Variants in GNAQ observed in about 807,000 individuals in gnomAD.
The protein encoded by GNAQ is G protein subunit alpha q.
A neutral mutation model predicts 43.9 loss-of-function variants in GNAQ; 8 were observed. The observed-to-expected ratio is 0.18, with a 90% CI of 0.11 to 0.33. The LOEUF (loss-of-function observed/expected upper bound fraction) is 0.33. Among genes scored for constraint, GNAQ ranks in the 10% least tolerant of loss-of-function variants. GNAQ has a pLI of 1.00. For missense variants in GNAQ, 158 were observed against 450.8 expected, an observed-to-expected ratio of 0.35 and a Z score of 5.88; for synonymous variants, 155 against 170.7, an observed-to-expected ratio of 0.91 and a Z score of 0.71.
intron 3 of GNAQ, among the ~76,000 whole-genome samples, chr9:77,804,701 T>C (rs1384791603): frequency 6.6e-6 from 1 of 152,060 alleles, no homozygotes; most frequent in African/African-American, 2.4e-5. Context: ...GGGGTGTGTG[T>C]TGGAGGTTGG....
chr9:77,762,023 G>A (rs556067338), intron 5 of GNAQ, among the ~76,000 whole-genome samples: 2 of 138,542 alleles, frequency 1.4e-5, no homozygotes, highest in African/African-American at 5.4e-5. Flanking sequence ...GCCCCTCCTG[G>A]GAAGTGAGGA....
intron 1 of GNAQ, among the ~76,000 whole-genome samples, chr9:77,952,596 GA>G (rs1822995953): frequency 6.6e-6 from 1 of 152,234 alleles, no homozygotes; most frequent in East Asian, 1.9e-4. Flanking sequence ...AAGAATTGCA[GA>G]AAAAAGTTAA....
At position 77,905,068 on chromosome 9, in the gene GNAQ, G is replaced by T. The variant is rs573763658; in HGVS notation, c.321+17093C>A. Among the ~76,000 whole-genome samples the T allele has an allele frequency of 7.2e-5, 11 of 152,224 alleles. No homozygotes were observed. In the South Asian group the frequency reaches 2.3e-3, roughly 32 times the overall value. ...TCTCTGTGTTCAGAAGTTAAGAATGGCCCTAATTTCAAGTACTCATCCTCT... is the reference window on the plus strand; with the variant it reads ...TCTCTGTGTTCAGAAGTTAAGAATGTCCCTAATTTCAAGTACTCATCCTCT... On this transcript the variant is annotated intron_variant, in intron 2 of 6. Transcript: ENST00000286548.
intron 1 of GNAQ, among the ~76,000 whole-genome samples, chr9:78,020,346 C>T (rs1339520301): frequency 6.6e-6 from 1 of 152,096 alleles, no homozygotes; most frequent in Non-Finnish European, 1.5e-5. Flanking sequence ...ATGGAGGAAA[C>T]ATGTTGCAAA....
chr9:77,904,052 G>A (rs1489802141), intron 2 of GNAQ, among the ~76,000 whole-genome samples: 1 of 152,118 alleles, frequency 6.6e-6, no homozygotes, highest in Non-Finnish European at 1.5e-5. Context: ...GGATAATTTG[G>A]CTTTCTGGCA....
intron 1 of GNAQ, among the ~76,000 whole-genome samples, chr9:78,029,665 T>C (rs776385556): frequency 6.6e-6 from 1 of 152,186 alleles, no homozygotes; most frequent in Non-Finnish European, 1.5e-5. Flanking sequence ...ATGTGTGTGA[T>C]CAGTATATTT....
At chr9:77,904,317 C>CT (rs554783626) in intron 2 of GNAQ, among the ~76,000 whole-genome samples, 850 of 77,396 alleles carry the variant, frequency 0.011, 143 homozygotes, top group African/African-American at 0.014. Flanking sequence ...TTCACACCGG[C>CT]TTTTTTTTTT....
chr9:77,966,170 T>C (rs1020428500), intron 1 of GNAQ, among the ~76,000 whole-genome samples: 4 of 151,710 alleles, frequency 2.6e-5, no homozygotes, highest in Admixed American at 6.6e-5. Flanking sequence ...GAGGGGGAGA[T>C]AGGTGGGAGG....
chr9:77,746,487 C>A (rs760302132), intron 5 of GNAQ, among the ~76,000 whole-genome samples: 13 of 151,966 alleles, frequency 8.6e-5, no homozygotes, highest in Middle Eastern at 3.4e-3. Context: ...ATATGTTGAC[C>A]GTGTTTTGAA....
intron 1 of GNAQ, among the ~76,000 whole-genome samples, chr9:77,942,183 G>C (rs866803550): frequency 3.9e-5 from 6 of 152,130 alleles, no homozygotes; most frequent in African/African-American, 4.8e-5. Context: ...AACAGAACTG[G>C]TAACAGAGTT....
At chr9:77,931,719 G>C (rs1464483926) in intron 1 of GNAQ, among the ~76,000 whole-genome samples, 1 of 152,040 alleles carries the variant, frequency 6.6e-6, no homozygotes, top group Non-Finnish European at 1.5e-5. Flanking sequence ...ACCTATTCCA[G>C]TTCCTCCTCT....
At chr9:77,846,139 G>A (rs1279699914) in intron 2 of GNAQ, among the ~76,000 whole-genome samples, 1 of 152,182 alleles carries the variant, frequency 6.6e-6, no homozygotes, top group Non-Finnish European at 1.5e-5. Flanking sequence ...CTGTTGATTT[G>A]CGTAATATAA....
intron 5 of GNAQ, among the ~76,000 whole-genome samples, chr9:77,749,699 TAC>T (rs1010912575): frequency 2.4e-4 from 37 of 152,114 alleles, no homozygotes; most frequent in African/African-American, 8.2e-4. Context: ...CAGTAAGAAA[TAC>T]AGTTTACACA....
intron 1 of GNAQ, among the ~76,000 whole-genome samples, chr9:78,024,143 C>G (rs1823947149): frequency 6.6e-6 from 1 of 152,172 alleles, no homozygotes; most frequent in African/African-American, 2.4e-5. Flanking sequence ...ATTGGAACAG[C>G]TGGATCAATT....
intron 5 of GNAQ, among the ~76,000 whole-genome samples, chr9:77,793,775 G>A (rs565672664): frequency 2.0e-5 from 3 of 151,976 alleles, no homozygotes; most frequent in Admixed American, 1.3e-4. Flanking sequence ...TTCCATAATC[G>A]ATTCATCGTC....
chr9:77,848,703 T>C (rs564990499), intron 2 of GNAQ, among the ~76,000 whole-genome samples: 28 of 152,310 alleles, frequency 1.8e-4, no homozygotes, highest in African/African-American at 6.7e-4. Context: ...CTGAGGGCTG[T>C]GGTATTGGCC....
At position 77,718,960 on chromosome 9, in the gene GNAQ, C is replaced by T; in HGVS notation, c.*2363G>A. On this transcript the variant is annotated 3_prime_UTR_variant, in exon 7 of 7. Transcript: ENST00000286548. ...CCTAGATCAAATGGCAAAAGTTCTA[C>T]AAAGTTGGTTTCCATGTTTGTATAA... is the stretch of plus-strand genomic sequence containing the variant. 1 of 232,128 alleles carries T rather than the reference C, an allele frequency of 4.3e-6. No homozygotes were observed. The highest frequency in any genetic ancestry group is 8.5e-6 in the Non-Finnish European group (1 of 117,512). The allele number at this position is 232,128 out of a possible 1,614,324, so 14.4% of individuals were successfully genotyped here.
intron 2 of GNAQ, among the ~76,000 whole-genome samples, chr9:77,881,532 C>A (rs939243254): frequency 6.6e-6 from 1 of 152,166 alleles, no homozygotes; most frequent in African/African-American, 2.4e-5. Context: ...GCACATGCCA[C>A]CATGCTCAGC....
intron 2 of GNAQ, among the ~76,000 whole-genome samples, chr9:77,849,326 T>TA: frequency 6.6e-6 from 1 of 152,314 alleles, no homozygotes; most frequent in Non-Finnish European, 1.5e-5. Flanking sequence ...AGTTTTTTTT[T>TA]ATTTTACCAG....
Sources: allele counts gnomAD v4.1 joint callset (sites outside exome capture counted in the v4.1 genomes callset), GRCh38; gene constraint gnomAD v4.1.1; transcripts MANE v1.5; gene names NCBI Gene and HGNC (gene_info 2026-07-23, HGNC 2026-07-21).